Variants in IBSP observed in about 807,000 individuals in gnomAD.
IBSP encodes the protein integrin-binding sialoprotein.
IBSP carries 19 observed loss-of-function variants against 25.5 expected under a neutral mutation model. That is an observed-to-expected ratio of 0.74 (90% CI 0.52 to 1.09). The LOEUF (loss-of-function observed/expected upper bound fraction) is 1.09. Among genes scored for constraint, IBSP ranks in the 50% least tolerant of loss-of-function variants. The pLI is 0.00. For missense variants in IBSP, 360 were observed against 382.3 expected, an observed-to-expected ratio of 0.94 and a Z score of 0.49; for synonymous variants, 144 against 137.6, an observed-to-expected ratio of 1.05 and a Z score of -0.33.
rs565527800 is a variant in IBSP, at chr4:87,810,638, A to G, written c.279A>G (p.Glu93=). The G allele has an allele frequency of 3.1e-6, 5 of 1,613,408 alleles. No homozygotes were observed. Among genetic ancestry groups the G allele is most frequent in the Non-Finnish European group, 4.2e-6 (5 of 1,179,448 alleles). The part of the protein sequence containing the change: ...ETSNEGENNE[E]SNEDEDSEAE... The stretch of plus-strand genomic sequence containing the variant: ...CAAATGAAGGAGAAAACAATGAAGA[A>G]TCGAATGAAGATGAAGACTCTGAGG... The change falls in exon 6 of 7, where the codon GAA becomes GAG. Residue 93 remains glutamate (E), a synonymous_variant. Transcript: ENST00000226284.
intron 5 of IBSP, among the ~76,000 whole-genome samples, chr4:87,806,788 T>G (rs1722095097): frequency 6.6e-6 from 1 of 152,126 alleles, no homozygotes; most frequent in Non-Finnish European, 1.5e-5. Context: ...CCAGATCACT[T>G]GAGGTCAGGA....
rs1327852693 is a variant in IBSP, at chr4:87,811,499, C to CAACA, written c.544_547dup (p.Ser183LysfsTer55). ...AACAAGGCATAAACGGCACCAGTAC[C>CAACA]AACAGCACAGAGGCAGAAAACGGCA... is the stretch of plus-strand genomic sequence containing the variant. On this transcript the variant is annotated frameshift_variant, in exon 7 of 7. Coordinates refer to ENST00000226284, the MANE Select transcript of IBSP (RefSeq NM_004967.4). LOFTEE classifies it low-confidence loss of function (END_TRUNC). The CAACA allele has an allele frequency of 1.9e-6, 3 of 1,613,898 alleles. No homozygotes were observed. In the Admixed American group the frequency reaches 5.0e-5, roughly 27 times the overall value.
chr4:87,801,049 T>C (rs1254252048), intron 1 of IBSP, among the ~76,000 whole-genome samples: 2 of 152,134 alleles, frequency 1.3e-5, no homozygotes, highest in Non-Finnish European at 2.9e-5. Flanking sequence ...TTTTATTAAA[T>C]AGAATAAAAT....
chr4:87,811,940 C>T lies in IBSP; in HGVS notation c.*30C>T. On this transcript the variant is annotated 3_prime_UTR_variant, in exon 7 of 7. Transcript: ENST00000226284. ...CCAGCCTGGGATGAATTCATCCATT[C>T]TGGCTTTGCATCCGGCTACCATTTT... 6.7e-7 allele frequency: 1 copy of T among 1,489,298 alleles called. No individual in the cohort carries two copies. The highest frequency in any genetic ancestry group is 2.4e-5 in the Admixed American group (1 of 41,970). The allele number at this position is 1,489,298 out of a possible 1,614,324, so 92.3% of individuals were successfully genotyped here. A position where few individuals can be genotyped will look rare whatever the true frequency, so the allele number is the denominator to read the frequency against.
intron 1 of IBSP, among the ~76,000 whole-genome samples, chr4:87,800,333 A>C (rs1345226127): frequency 2.6e-5 from 4 of 152,120 alleles, no homozygotes; most frequent in African/African-American, 9.7e-5. Flanking sequence ...TATTGTTATT[A>C]TTATTATTTA....
Position 87,810,696 on chromosome 4 carries a change from G to A in IBSP, c.337G>A (p.Gly113Ser). 3 of 1,613,810 alleles carry A rather than the reference G, an allele frequency of 1.9e-6. No individual in the cohort carries two copies. The highest frequency in any genetic ancestry group is 2.5e-6 in the Non-Finnish European group (3 of 1,179,780). Residue 113 changes from glycine to serine, a missense_variant, in exon 6 of 7, where the codon GGC becomes AGC. By Grantham distance (56) the Gly-to-Ser change is moderately conservative (BLOSUM62 0). Coordinates refer to ENST00000226284, the MANE Select transcript of IBSP (RefSeq NM_004967.4). ...ENTTLSATTL[G>S]YGEDATPGTG... Reference sequence around the variant, plus strand: ...TACCACACTTTCTGCTACAACACTGGGCTATGGAGAGGACGCCACGCCTGG... The same window carrying A: ...TACCACACTTTCTGCTACAACACTGAGCTATGGAGAGGACGCCACGCCTGG...
At chr4:87,802,312 A>C (rs767732484) in intron 1 of IBSP, 36 bp from the exon 2 acceptor site, 1 of 1,306,776 alleles carries the variant, frequency 7.7e-7, no homozygotes, top group African/African-American at 1.5e-5. Flanking sequence ...TCTTAGTTTT[A>C]ATATTTTATT....
Position 87,802,680 on chromosome 4 carries a change from T to C in IBSP, c.132T>C (p.Tyr44=), listed in dbSNP as rs763886991. 2 of 1,571,024 alleles carry C rather than the reference T, an allele frequency of 1.3e-6. No homozygotes were observed. Among genetic ancestry groups the C allele is most frequent in the East Asian group, 2.3e-5 (1 of 44,118 alleles). The stretch of plus-strand genomic sequence containing the variant: ...TCTTTAAGTACAGGCCACGATATTA[T>C]CTTTACAAGCATGCCTACTTTTATC... ...NGVFKYRPRY[Y]LYKHAYFYPH... is the part of the protein sequence containing the mutation. Residue 44 remains tyrosine (Y), a synonymous_variant, in exon 4 of 7, where the codon TAT becomes TAC. Transcript: ENST00000226284.
chr4:87,801,330 C>T (rs73840120), intron 1 of IBSP, among the ~76,000 whole-genome samples: 5,512 of 151,956 alleles, frequency 0.036, 124 homozygotes, highest in Middle Eastern at 0.068. Context: ...AGGAAATCTG[C>T]CCCCGATATC....
intron 1 of IBSP, among the ~76,000 whole-genome samples, chr4:87,802,081 A>T (rs561437777): frequency 6.6e-6 from 1 of 152,210 alleles, no homozygotes; most frequent in African/African-American, 2.4e-5. Context: ...GCAGTAATGA[A>T]AAGGTCTTCC....
chr4:87,803,519 C>T (rs1231672803), intron 4 of IBSP, among the ~76,000 whole-genome samples: 1 of 151,990 alleles, frequency 6.6e-6, no homozygotes, highest in Admixed American at 6.6e-5. Context: ...TTTTTAGTAC[C>T]ATACAGTTTG....
At chr4:87,809,084 G>A (rs556712204) in intron 5 of IBSP, among the ~76,000 whole-genome samples, 29 of 152,278 alleles carry the variant, frequency 1.9e-4, no homozygotes, top group Non-Finnish European at 3.7e-4. Flanking sequence ...TGAGGGTTCC[G>A]GTTGCTCCAC....
intron 1 of IBSP, among the ~76,000 whole-genome samples, chr4:87,801,303 G>A (rs925028551): frequency 5.3e-5 from 8 of 152,054 alleles, no homozygotes; most frequent in Non-Finnish European, 1.2e-4. Flanking sequence ...AATGGAGCTG[G>A]AGAGCAAATT....
intron 5 of IBSP, among the ~76,000 whole-genome samples, chr4:87,806,476 G>A (rs1040751531): frequency 9.9e-5 from 15 of 151,370 alleles, no homozygotes; most frequent in African/African-American, 3.4e-4. Flanking sequence ...AACAGAAGTA[G>A]TATAAAATCT....
In IBSP at chr4:87,802,765, T is replaced by C. The variant is rs183722059; in HGVS notation, c.183+34T>C. Reference sequence around the variant, plus strand: ...AGAAATTCATTTTTCTTCAGTTTAATTTCTATTATAATTTAAAGGAGATCA... The same window carrying C: ...AGAAATTCATTTTTCTTCAGTTTAACTTCTATTATAATTTAAAGGAGATCA... On this transcript the variant is annotated intron_variant, in intron 4 of 6. Transcript: ENST00000226284. 1.2e-5 allele frequency: 16 copies of C among 1,355,352 alleles called. No homozygotes were observed. The East Asian group carries it at 3.0e-4, about 26-fold the overall frequency. 84.0% of individuals were successfully genotyped at this position (1,355,352 alleles called of 1,614,324 possible).
chr4:87,802,444 T>C (rs778968956), intron 2 of IBSP, 29 bp downstream of exon 2: 61 of 1,600,436 alleles, frequency 3.8e-5, no homozygotes, highest in Non-Finnish European at 5.0e-5. Context: ...CCCACAGTTA[T>C]TTTCAGTTTT....
intron 5 of IBSP, among the ~76,000 whole-genome samples, chr4:87,810,201 C>T (rs549530343): frequency 1.3e-3 from 175 of 132,132 alleles, no homozygotes; most frequent in Admixed American, 1.3e-3. Context: ...TCCAGCCTGG[C>T]AACAGAGCAT....
intron 1 of IBSP, among the ~76,000 whole-genome samples, chr4:87,801,899 AG>A (rs1003588319): frequency 6.6e-6 from 1 of 152,160 alleles, no homozygotes; most frequent in African/African-American, 2.4e-5. Context: ...GGCCTCCCAA[AG>A]TACTGGTTTT....
At chr4:87,803,998 C>T (rs554706361) in intron 4 of IBSP, among the ~76,000 whole-genome samples, 56 of 152,158 alleles carry the variant, frequency 3.7e-4, no homozygotes, top group African/African-American at 1.3e-3. Flanking sequence ...ATTAAAATGT[C>T]CATAGTGAAG....
Sources: allele counts gnomAD v4.1 joint callset (sites outside exome capture counted in the v4.1 genomes callset), GRCh38; gene constraint gnomAD v4.1.1; transcripts MANE v1.5; gene names NCBI Gene and HGNC (gene_info 2026-07-23, HGNC 2026-07-21).